Variants in PFKFB3 observed in about 807,000 individuals in gnomAD.
PFKFB3 encodes the protein 6-phosphofructo-2-kinase/fructose-2,6-bisphosphatase 3.
In PFKFB3, 33 loss-of-function variants were observed where a neutral mutation model predicts 68.0. The observed-to-expected ratio is 0.49, with a 90% CI of 0.37 to 0.65. The LOEUF (loss-of-function observed/expected upper bound fraction) is 0.65. Among genes scored for constraint, PFKFB3 ranks in the 30% least tolerant of loss-of-function variants. PFKFB3 has a pLI of 0.00. For missense variants in PFKFB3, 586 were observed against 712.2 expected (o/e 0.82, Z 2.02); for synonymous variants, 315 against 288.2 (o/e 1.09, Z -0.94).
downstream of PFKFB3, among the ~76,000 whole-genome samples, chr10:6,240,001 C>T (rs192968873): frequency 1.3e-5 from 2 of 152,262 alleles, no homozygotes; most frequent in African/African-American, 4.8e-5. Flanking sequence ...GGTACATTTG[C>T]ATAGATAATT....
intron 1 of PFKFB3, among the ~76,000 whole-genome samples, chr10:6,189,102 G>A (rs1044531267): frequency 5.9e-5 from 9 of 152,174 alleles, no homozygotes; most frequent in African/African-American, 2.2e-4. Flanking sequence ...GCCTCCCAAA[G>A]TGCTGGGATT....
At chr10:6,155,093 G>T (rs1427802848) in intron 1 of PFKFB3, among the ~76,000 whole-genome samples, 1 of 152,206 alleles carries the variant, frequency 6.6e-6, no homozygotes, top group Non-Finnish European at 1.5e-5. Flanking sequence ...GGACAATGGG[G>T]GCTGATGCTT....
At chr10:6,216,618 T>A in intron 4 of PFKFB3, 88 bp from the exon 5 acceptor site, 1 of 913,182 alleles carries the variant, frequency 1.1e-6, no homozygotes, top group Non-Finnish European at 1.8e-6. Context: ...TTCCTGGAGA[T>A]GATGGGTCTG....
In PFKFB3 at chr10:6,203,237, G is replaced by C; in HGVS notation, c.-24G>C. On this transcript the variant is annotated 5_prime_UTR_variant, in exon 1 of 15. Coordinates refer to ENST00000379775, the MANE Select transcript of PFKFB3 (RefSeq NM_004566.4). ...CGTCGGGATCTCGGCCCCGGGAGGCGGGCCGTCGGGCGCAGCCGCGAAGAT... is the reference window on the plus strand; with the variant it reads ...CGTCGGGATCTCGGCCCCGGGAGGCCGGCCGTCGGGCGCAGCCGCGAAGAT... The C allele has an allele frequency of 4.4e-6, 7 of 1,603,478 alleles. No individual in the cohort carries two copies. The South Asian group carries it at 4.5e-5, about 10-fold the overall frequency.
intron 1 of PFKFB3, among the ~76,000 whole-genome samples, chr10:6,188,055 A>G (rs1040838921): frequency 2.6e-5 from 4 of 152,004 alleles, no homozygotes; most frequent in Non-Finnish European, 5.9e-5. Flanking sequence ...ATATATTTAT[A>G]TGGATATATG....
intron 5 of PFKFB3, among the ~76,000 whole-genome samples, 159 bp from the exon 6 acceptor site, chr10:6,216,976 G>GGGGCGTTCCAGAGGCTGCAGTGAGGAGGT (rs1844628466): frequency 6.6e-6 from 1 of 152,168 alleles, no homozygotes; most frequent in Non-Finnish European, 1.5e-5. Context: ...TGGGGGCCAT[G>GGGGCGTTCCAGAGGCTGCAGTGAGGAGGT]GGGCGTTCCA....
chr10:6,308,721 T>C, the PFKFB3 span, among the ~76,000 whole-genome samples: 14 of 152,200 alleles, frequency 9.2e-5, no homozygotes, highest in African/African-American at 3.1e-4. Flanking sequence ...AGTTAATCTG[T>C]TACACCCATG....
intron 1 of PFKFB3, among the ~76,000 whole-genome samples, chr10:6,208,734 CTT>C (rs1843964084): frequency 6.6e-6 from 1 of 152,170 alleles, no homozygotes; most frequent in Admixed American, 6.5e-5. Context: ...AGGTTAGTAA[CTT>C]AATCTATCCG....
chr10:6,145,343 T>G (rs937897432), intron 1 of PFKFB3, among the ~76,000 whole-genome samples: 3 of 151,560 alleles, frequency 2.0e-5, no homozygotes, highest in East Asian at 3.9e-4. Flanking sequence ...AGCCCCGCAT[T>G]GTGCCTCCAG....
intron 1 of PFKFB3, among the ~76,000 whole-genome samples, chr10:6,185,147 G>T (rs1457642429): frequency 1.3e-5 from 2 of 152,214 alleles, no homozygotes; most frequent in Non-Finnish European, 2.9e-5. Flanking sequence ...CACGCCCCAC[G>T]AGGGCCTCTG....
At chr10:6,207,165 C>G (rs576166365) in intron 1 of PFKFB3, among the ~76,000 whole-genome samples, 20 of 152,310 alleles carry the variant, frequency 1.3e-4, no homozygotes, top group East Asian at 3.9e-4. Context: ...ACTGAGTGAA[C>G]GAGACTCCGT....
intron 1 of PFKFB3, among the ~76,000 whole-genome samples, chr10:6,169,025 A>G (rs566596587): frequency 4.6e-5 from 5 of 109,692 alleles, no homozygotes; most frequent in African/African-American, 1.5e-4. Context: ...GGTCACTGCA[A>G]CCTCCCCCTG....
intron 1 of PFKFB3, among the ~76,000 whole-genome samples, chr10:6,179,603 G>A (rs1842647662): frequency 6.6e-6 from 1 of 152,176 alleles, no homozygotes; most frequent in Admixed American, 6.5e-5. Context: ...AAGGACGGGT[G>A]TGGAGGCCCA....
At position 6,227,831 on chromosome 10, in the gene PFKFB3, G is replaced by T. The variant is rs1427350590; in HGVS notation, c.1515+1466G>T. ...TCCCTTGCAGGTCTCAGATCTGAGG[G>T]TTTTTATGAAAAGCCAGCAGAACTG... On this transcript the variant is annotated intron_variant, in intron 14 of 14. Transcript: ENST00000379775. 2.6e-5 allele frequency among the ~76,000 whole-genome samples: 4 copies of T among 152,204 alleles called. No homozygotes were observed. In the East Asian group the frequency reaches 7.7e-4, roughly 29 times the overall value.
upstream of PFKFB3, chr10:6,202,824 C>A: frequency 1.0e-6 from 1 of 960,892 alleles, no homozygotes; most frequent in Non-Finnish European, 1.3e-6. Context: ...CCCTCCTCCC[C>A]ACGTGGAAGG....
rs768723222 is a variant in PFKFB3 at position 6,215,173 on chromosome 10, C to A, written c.203-48C>A. 6.6e-7 allele frequency: 1 copy of A among 1,507,286 alleles called. No homozygotes were observed. Among genetic ancestry groups the A allele is most frequent in the South Asian group, 1.1e-5 (1 of 88,568 alleles). The allele number at this position is 1,507,286 out of a possible 1,614,324, so 93.4% of individuals were successfully genotyped here. A position where few individuals can be genotyped will look rare whatever the true frequency, so the allele number is the denominator to read the frequency against. On this transcript the variant is annotated intron_variant, in intron 2 of 14. Transcript: ENST00000379775. This position sits in a 1 kb window ranked among gnomAD's most constrained non-coding sequence, Gnocchi z 4.3. Reference sequence around the variant, plus strand: ...TCCTATGGTCCCGGTGTGAGCTGGCCCCTTCCTCCTGCTCGATCATCCAGA... The same window carrying A: ...TCCTATGGTCCCGGTGTGAGCTGGCACCTTCCTCCTGCTCGATCATCCAGA...
intron 1 of PFKFB3, among the ~76,000 whole-genome samples, chr10:6,207,086 C>A (rs1439065990): frequency 6.6e-6 from 1 of 152,262 alleles, no homozygotes; most frequent in African/African-American, 2.4e-5. Context: ...CCAAGGCAGG[C>A]GGCTGGGAGG....
At chr10:6,212,990 G>A (rs1445573206) in intron 1 of PFKFB3, among the ~76,000 whole-genome samples, 2 of 152,006 alleles carry the variant, frequency 1.3e-5, no homozygotes, top group Non-Finnish European at 2.9e-5. Context: ...ACTCTCCCTC[G>A]GGAGAGGAAT....
chr10:6,307,578 C>G, the PFKFB3 span, among the ~76,000 whole-genome samples: 1 of 147,910 alleles, frequency 6.8e-6, no homozygotes, highest in Non-Finnish European at 1.5e-5. Flanking sequence ...TCCTCCTTCT[C>G]TCCCTCCCCC....
Sources: allele counts gnomAD v4.1 joint callset (sites outside exome capture counted in the v4.1 genomes callset), GRCh38; gene constraint gnomAD v4.1.1; non-coding constraint Gnocchi (gnomAD v3.1); transcripts MANE v1.5; gene names NCBI Gene and HGNC (gene_info 2026-07-23, HGNC 2026-07-21).